The following NELL1 variants were observed in gnomAD, a reference collection of about 807,000 sequenced individuals.
The protein encoded by NELL1 is neural EGFL like 1.
Under a neutral mutation model 107.4 loss-of-function variants are expected in NELL1, and 76 were observed. The ratio of observed to expected loss-of-function variants is 0.71; its 90% CI spans 0.59 to 0.86. NELL1 has a LOEUF of 0.86. NELL1 is among the 40% of genes least tolerant of loss of function. NELL1 has a pLI of 0.00. For synonymous variants in NELL1, 353 were observed against 341.2 expected (o/e 1.03, Z -0.38); for missense variants, 1,024 against 1,005.5 (o/e 1.02, Z -0.25).
chr11:20,873,411 T>C (rs961241087), intron 4 of NELL1, among the ~76,000 whole-genome samples: 1 of 152,246 alleles, frequency 6.6e-6, no homozygotes, highest in African/African-American at 2.4e-5. Context: ...TTTGGTATTT[T>C]GTCTGAAAAT....
chr11:21,248,728 A>G (rs1005638517), intron 14 of NELL1, among the ~76,000 whole-genome samples: 2 of 152,200 alleles, frequency 1.3e-5, no homozygotes, highest in African/African-American at 4.8e-5. Context: ...GCTCGCTTTC[A>G]GTCCATATGG....
At chr11:20,754,295 T>C (rs1856209498) in intron 2 of NELL1, among the ~76,000 whole-genome samples, 1 of 152,250 alleles carries the variant, frequency 6.6e-6, no homozygotes, top group Non-Finnish European at 1.5e-5. Flanking sequence ...GACAGTTAAA[T>C]GTGAGCGTGT....
chr11:21,559,659 G>A (rs562627310), intron 16 of NELL1, among the ~76,000 whole-genome samples: 26 of 152,118 alleles, frequency 1.7e-4, no homozygotes, highest in African/African-American at 5.3e-4. Flanking sequence ...TTCAACTTTG[G>A]TGGTAGGATC....
intron 12 of NELL1, among the ~76,000 whole-genome samples, chr11:20,969,635 CT>C (rs1851454679): frequency 6.6e-6 from 1 of 150,946 alleles, no homozygotes; most frequent in Non-Finnish European, 1.5e-5. Flanking sequence ...TTTTTTTCCC[CT>C]GACAACTCTC....
chr11:20,739,787 CT>C (rs1855846296), intron 2 of NELL1, among the ~76,000 whole-genome samples: 1 of 152,112 alleles, frequency 6.6e-6, no homozygotes, highest in South Asian at 2.1e-4. Flanking sequence ...GCTTAATATA[CT>C]GTAGGGGGTA....
At chr11:20,787,007 CAAAAAA>C (rs71443763) in intron 3 of NELL1, among the ~76,000 whole-genome samples, 20 of 60,854 alleles carry the variant, frequency 3.3e-4, no homozygotes, top group African/African-American at 1.5e-3. Flanking sequence ...GACTCCGTCT[CAAAAAA>C]AAAAAAAAAA....
intron 2 of NELL1, among the ~76,000 whole-genome samples, chr11:20,696,773 A>G (rs1241621749): frequency 1.3e-5 from 2 of 152,164 alleles, no homozygotes; most frequent in Non-Finnish European, 2.9e-5. Context: ...GCAAAGAATA[A>G]TTTGTGAATT....
intron 12 of NELL1, among the ~76,000 whole-genome samples, chr11:21,103,447 G>GGTCACCT (rs1329686342): frequency 1.3e-5 from 2 of 152,106 alleles, no homozygotes; most frequent in Non-Finnish European, 2.9e-5. Flanking sequence ...ATTCCCCAGA[G>GGTCACCT]GTCACCTTCC....
intron 2 of NELL1, among the ~76,000 whole-genome samples, chr11:20,692,833 G>T (rs1204979470): frequency 2.0e-5 from 3 of 152,052 alleles, no homozygotes; most frequent in African/African-American, 4.8e-5. Context: ...TCAATTCCCG[G>T]GTATACTTGT....
intron 16 of NELL1, among the ~76,000 whole-genome samples, chr11:21,537,481 G>C (rs1003454685): frequency 1.3e-5 from 2 of 152,112 alleles, no homozygotes; most frequent in African/African-American, 4.8e-5. Context: ...TTGTATGGCT[G>C]CCATGTTATT....
chr11:20,953,367 G>A (rs565840121), intron 11 of NELL1, among the ~76,000 whole-genome samples: 6 of 152,242 alleles, frequency 3.9e-5, no homozygotes, highest in Admixed American at 2.6e-4. Context: ...AAGAAGTTAC[G>A]GGAGTGAATC....
intron 13 of NELL1, among the ~76,000 whole-genome samples, chr11:21,212,476 C>A (rs1034812734): frequency 6.6e-6 from 1 of 152,116 alleles, no homozygotes; most frequent in Admixed American, 6.6e-5. Flanking sequence ...AACTAAAAAT[C>A]GCCTGGACAT....
intron 2 of NELL1, among the ~76,000 whole-genome samples, chr11:20,763,027 C>A (rs911813385): frequency 1.3e-5 from 2 of 152,072 alleles, no homozygotes; most frequent in African/African-American, 4.8e-5. Flanking sequence ...CAAAAAAGCC[C>A]AACTGTTGTT....
intron 12 of NELL1, among the ~76,000 whole-genome samples, chr11:21,051,335 G>A (rs931143948): frequency 6.6e-6 from 1 of 152,108 alleles, no homozygotes; most frequent in African/African-American, 2.4e-5. Context: ...GCTAAGCTAT[G>A]AGGACACAAA....
intron 2 of NELL1, among the ~76,000 whole-genome samples, chr11:20,750,924 T>C (rs1008133902): frequency 5.9e-5 from 9 of 152,120 alleles, no homozygotes; most frequent in Admixed American, 2.0e-4. Flanking sequence ...AAATAATGGT[T>C]GGGGTTCAGC....
intron 15 of NELL1, among the ~76,000 whole-genome samples, chr11:21,467,806 A>G (rs1003426610): frequency 2.0e-5 from 3 of 152,002 alleles, no homozygotes; most frequent in Non-Finnish European, 4.4e-5. Flanking sequence ...GCAATAGGTG[A>G]ATGAGAATCC....
Position 20,805,855 on chromosome 11 carries a change from G to A in NELL1, c.335+22025G>A, listed in dbSNP as rs546868870. ...TAACACCGAGTACATAAACAAACAA[G>A]CAAATGAAAAGTAATAAAAACTGCA... On this transcript the variant is annotated intron_variant, in intron 3 of 19. Coordinates refer to ENST00000357134, the MANE Select transcript of NELL1 (RefSeq NM_006157.5). Among the ~76,000 whole-genome samples, 9 of 152,280 alleles carry A rather than the reference G, an allele frequency of 5.9e-5. No homozygotes were observed. In the South Asian group the frequency reaches 1.7e-3, roughly 28 times the overall value.
At chr11:21,193,296 G>A (rs942990097) in intron 13 of NELL1, among the ~76,000 whole-genome samples, 1 of 151,722 alleles carries the variant, frequency 6.6e-6, no homozygotes, top group Admixed American at 6.6e-5. Flanking sequence ...CAGCAGTTTT[G>A]ATACTCTTAG....
chr11:20,871,048 A>G (rs1288404247), intron 4 of NELL1, among the ~76,000 whole-genome samples: 1 of 152,194 alleles, frequency 6.6e-6, no homozygotes, highest in African/African-American at 2.4e-5. Flanking sequence ...GAGAAAGAGT[A>G]AAAAAAGCAC....
Sources: allele counts gnomAD v4.1 joint callset (sites outside exome capture counted in the v4.1 genomes callset), GRCh38; gene constraint gnomAD v4.1.1; transcripts MANE v1.5; gene names NCBI Gene and HGNC (gene_info 2026-07-23, HGNC 2026-07-21).